NOM1: variants seen among roughly 807,000 people sequenced by gnomAD.
NOM1 encodes nucleolar MIF4G domain-containing protein 1.
Under a neutral mutation model 73.3 loss-of-function variants are expected in NOM1, and 58 were observed. The observed-to-expected ratio is 0.79, with a 90% CI of 0.64 to 0.99. NOM1 has a LOEUF of 0.99. Ranked by LOEUF, NOM1 falls within the 50% of genes least tolerant of loss-of-function variation. The pLI is 0.00. For missense variants in NOM1, 1,226 were observed against 1,131.9 expected, an observed-to-expected ratio of 1.08 and a Z score of -1.19; for synonymous variants, 487 against 446.8, an observed-to-expected ratio of 1.09 and a Z score of -1.14.
At chr7:156,954,357 A>G in intron 3 of NOM1, 59 bp downstream of exon 3, 3 of 1,419,488 alleles carry the variant, frequency 2.1e-6, no homozygotes, top group Non-Finnish European at 2.8e-6. Context: ...TATTTTAATG[A>G]TAGGCTTGAT....
Position 156,962,407 on chromosome 7 carries a change from G to A in NOM1, c.1743+146G>A, listed in dbSNP as rs574641103. ...CTCAGAGGCAGAGTGAACGCGGCTC[G>A]GTTTTCCTCAGGGGCTGTCCCAGTG... On this transcript the variant is annotated intron_variant, in intron 5 of 10. Coordinates refer to ENST00000275820, the MANE Select transcript of NOM1 (RefSeq NM_138400.2). 2.0e-4 allele frequency: 135 copies of A among 664,854 alleles called. 1 individual carries two copies. Among genetic ancestry groups the A allele is most frequent in the South Asian group, 1.0e-3 (58 of 55,954 alleles). The allele number at this position is 664,854 out of a possible 1,614,324, so 41.2% of individuals were successfully genotyped here.
chr7:156,960,983 C>A (rs1462468709), intron 4 of NOM1, among the ~76,000 whole-genome samples: 1 of 152,016 alleles, frequency 6.6e-6, no homozygotes, highest in African/African-American at 2.4e-5. Flanking sequence ...GCACAGGGGA[C>A]CGTGCAGGAG....
chr7:156,956,685 T>G (rs963453719), intron 3 of NOM1, among the ~76,000 whole-genome samples: 1 of 152,370 alleles, frequency 6.6e-6, no homozygotes, highest in Admixed American at 6.5e-5. Flanking sequence ...TCTTCTGAGC[T>G]ACATGGGTCA....
intron 4 of NOM1, among the ~76,000 whole-genome samples, chr7:156,961,448 CAGAA>C (rs540658123): frequency 2.8e-3 from 423 of 152,092 alleles, no homozygotes; most frequent in African/African-American, 9.5e-3. Context: ...GGAGAAGAGA[CAGAA>C]AGTACATTAG....
At position 156,963,070 on chromosome 7, in the gene NOM1, T is replaced by A; in HGVS notation, c.1806T>A (p.Ser602Arg). The change falls in exon 6 of 11, where the codon AGT becomes AGA. Residue 602 changes from serine (S) to arginine (R), a missense_variant. Transcript: ENST00000275820. ...GCGTCTCCTGGGACAGTGTCTTGAG[T>A]GCGGAGCAGACGGGTCGCTGGTGGA... ...QLRVSWDSVL[S>R]AEQTGRWWIV... is the part of the protein sequence containing the mutation. 3 of 1,614,174 alleles carry A rather than the reference T, an allele frequency of 1.9e-6. No homozygotes were observed. The highest frequency in any genetic ancestry group is 1.7e-5 in the Admixed American group (1 of 60,032).
rs1804530804 is a variant in NOM1, at chr7:156,949,908, G to A, written c.171G>A (p.Ser57=). Residue 57 remains serine (S), a synonymous_variant, in exon 1 of 11, where the codon TCG becomes TCA. Coordinates refer to ENST00000275820, the MANE Select transcript of NOM1 (RefSeq NM_138400.2). ...TGGAGGAGTTCGTGCACGCGACTTC[G>A]GAAGGCGAGGCTCCCGGGGGTTGCG... ...LAVEEFVHAT[S]EGEAPGGCEG... is the part of the protein sequence containing the mutation. 6.5e-7 allele frequency: 1 copy of A among 1,540,606 alleles called. No individual in the cohort carries two copies. The highest frequency in any genetic ancestry group is 1.4e-5 in the African/African-American group (1 of 72,972).
chr7:156,963,573 T>G (rs1804922413), intron 6 of NOM1: 1 of 368,856 alleles, frequency 2.7e-6, no homozygotes, highest in Non-Finnish European at 5.0e-6. Flanking sequence ...TATCCCCTCA[T>G]GTCCTTCCCT....
rs1229128668 is a variant in NOM1, at chr7:156,963,891, C to A, written c.1912-14C>A. The A allele has an allele frequency of 6.2e-7, 1 of 1,609,462 alleles. No individual in the cohort carries two copies. The highest frequency in any genetic ancestry group is 1.1e-5 in the South Asian group (1 of 90,564). On this transcript the variant is annotated splice_polypyrimidine_tract_variant and intron_variant, in intron 6 of 10. Transcript: ENST00000275820. ...GAGACATGCGTATGACTTGTCCATTCATCGTGCTTCCAGGTCAGTTCAAAG... is the reference window on the plus strand; with the variant it reads ...GAGACATGCGTATGACTTGTCCATTAATCGTGCTTCCAGGTCAGTTCAAAG...
Position 156,972,971 on chromosome 7 carries a change from A to AGG in NOM1, c.*3269_*3270insGG, listed in dbSNP as rs1805175727. 1.3e-5 allele frequency: 2 copies of AGG among 152,242 alleles called. No homozygotes were observed. The highest frequency in any genetic ancestry group is 2.9e-5 in the Non-Finnish European group (2 of 68,036). The allele number at this position is 152,242 out of a possible 1,614,324, so 9.4% of individuals were successfully genotyped here. ...TAGGGGGTTTTTTGAAATTTATTAC[A>AGG]GTGCAATTGAAAATACACTTAAAAT... On this transcript the variant is annotated 3_prime_UTR_variant, in exon 11 of 11. Transcript: ENST00000275820.
At chr7:156,958,344 C>T (rs1164846519) in intron 3 of NOM1, among the ~76,000 whole-genome samples, 1 of 152,196 alleles carries the variant, frequency 6.6e-6, no homozygotes, top group Non-Finnish European at 1.5e-5. Flanking sequence ...CTTTTACAGC[C>T]GGTGTCACAC....
intron 7 of NOM1, among the ~76,000 whole-genome samples, chr7:156,965,995 C>T (rs1490248333): frequency 6.6e-6 from 1 of 152,202 alleles, no homozygotes; most frequent in Non-Finnish European, 1.5e-5. Context: ...AGTTTATTGT[C>T]AGCCGGGCAC....
rs1804540495 is a variant in NOM1, at chr7:156,950,097, C to T, written c.360C>T (p.Ser120=). Reference sequence around the variant, plus strand: ...GCCGAAGCGGAGCCGAAGAAGCCAGCGGTCACCGGCAGGACACGGAGGAGC... The same window carrying T: ...GCCGAAGCGGAGCCGAAGAAGCCAGTGGTCACCGGCAGGACACGGAGGAGC... ...LGGRSGAEEA[S]GHRQDTEERA... Residue 120 remains serine, a synonymous_variant, in exon 1 of 11, where the codon AGC becomes AGT. Transcript: ENST00000275820. The T allele has an allele frequency of 1.9e-6, 3 of 1,547,966 alleles. No homozygotes were observed. The African/African-American group carries it at 4.1e-5, about 21-fold the overall frequency.
At position 156,957,761 on chromosome 7, in the gene NOM1, C is replaced by T. The variant is rs189560514; in HGVS notation, c.1309-2090C>T. Among the ~76,000 whole-genome samples the T allele has an allele frequency of 1.9e-3, 231 of 122,598 alleles. 12 individuals carry two copies. In the East Asian group the frequency reaches 0.053, roughly 28 times the overall value. 80.4% of individuals were successfully genotyped at this position (122,598 alleles called of 152,430 possible). On this transcript the variant is annotated intron_variant, in intron 3 of 10. Coordinates refer to ENST00000275820, the MANE Select transcript of NOM1 (RefSeq NM_138400.2). ...CTGCACTCCAGCCTGGGCGACAGAG[C>T]GAGACTCCGTCTCAAAAAAAAAAAA...
chr7:156,950,367 C>T lies in NOM1; in HGVS notation c.630C>T (p.Ser210=). 1.9e-6 allele frequency: 3 copies of T among 1,614,212 alleles called. No homozygotes were observed. The highest frequency in any genetic ancestry group is 1.1e-5 in the South Asian group (1 of 91,080). The part of the protein sequence containing the change: ...KKDGSSSVPL[S]FARDGLDYIL... ...ACGGCAGCAGCTCCGTGCCGCTGAGCTTTGCACGCGACGGTCTTGACTATA... is the reference window on the plus strand; with the variant it reads ...ACGGCAGCAGCTCCGTGCCGCTGAGTTTTGCACGCGACGGTCTTGACTATA... The change falls in exon 1 of 11, where the codon AGC becomes AGT. Residue 210 remains serine (S), a synonymous_variant. Transcript: ENST00000275820.
At chr7:156,953,815 A>C (rs931930128) in intron 2 of NOM1, among the ~76,000 whole-genome samples, 2 of 152,164 alleles carry the variant, frequency 1.3e-5, no homozygotes, top group African/African-American at 4.8e-5. Flanking sequence ...TATTCAGGGG[A>C]GTATCCTCAC....
intron 9 of NOM1, 35 bp from the exon 10 acceptor site, chr7:156,969,052 T>G: frequency 8.6e-7 from 1 of 1,165,044 alleles, no homozygotes; most frequent in Non-Finnish European, 1.3e-6. Context: ...GCTAAATCAG[T>G]GTAACTTTAT....
In NOM1 at chr7:156,969,659, C is replaced by T. The variant is rs751707794; in HGVS notation, c.2539C>T (p.Leu847Phe). The change falls in exon 11 of 11, where the codon CTT becomes TTT. Residue 847 changes from leucine to phenylalanine, a missense_variant. Transcript: ENST00000275820. The stretch of plus-strand genomic sequence containing the variant: ...CAACGTGCTGAGAGAGAAAGCTGAC[C>T]TTGCAACGAAGTGTCTGCAAGGAAA... ...EANVLREKADLATKCLQGKAS... is the reference protein window; with the variant it reads ...EANVLREKADFATKCLQGKAS... 7.4e-6 allele frequency: 12 copies of T among 1,613,488 alleles called. No homozygotes were observed. The South Asian group carries it at 1.3e-4, about 18-fold the overall frequency.
chr7:156,951,318 C>T (rs1218621001), intron 1 of NOM1, among the ~76,000 whole-genome samples: 1 of 152,016 alleles, frequency 6.6e-6, no homozygotes, highest in Non-Finnish European at 1.5e-5. Context: ...ACCAGGGAGG[C>T]AGAGGTTGCA....
Position 156,972,277 on chromosome 7 carries a change from C to T in NOM1, c.*2574C>T, listed in dbSNP as rs11765440. 26,435 of 152,134 alleles carry T rather than the reference C, an allele frequency of 0.17. 2,386 individuals are homozygous for T. The highest frequency in any genetic ancestry group is 0.28 in the East Asian group (1,439 of 5,166). The allele number at this position is 152,134 out of a possible 1,614,324, so 9.4% of individuals were successfully genotyped here. On this transcript the variant is annotated 3_prime_UTR_variant, in exon 11 of 11. Transcript: ENST00000275820. ...TGTGAGTAGGCATTAATTATGGGTG[C>T]GGCTACTAAGATGGGAAAAACTATC... is the stretch of plus-strand genomic sequence containing the variant.
Sources: gnomAD v4.1 joint callset for allele counts (sites outside exome capture counted in the v4.1 genomes callset) on GRCh38, gnomAD v4.1.1 for gene constraint, MANE v1.5 for transcripts, NCBI Gene and HGNC (gene_info 2026-07-23, HGNC 2026-07-21) for gene names.